Variants in ITSN1 observed in about 807,000 individuals in gnomAD.
The protein encoded by ITSN1 is intersectin-1.
In ITSN1, 58 loss-of-function variants were observed where a neutral mutation model predicts 239.8. The ratio of observed to expected loss-of-function variants is 0.24; its 90% confidence interval spans 0.20 to 0.30. The LOEUF is 0.30. ITSN1 is among the 10% of genes least tolerant of loss of function. ITSN1 has a pLI of 1.00. For missense variants in ITSN1, 1,558 were observed against 2,103.3 expected (o/e 0.74, Z 5.07); for synonymous variants, 780 against 770.8 (o/e 1.01, Z -0.20).
chr21:33,681,091 G>C (rs1278281409), intron 1 of ITSN1, among the ~76,000 whole-genome samples: 1 of 152,208 alleles, frequency 6.6e-6, no homozygotes, highest in Admixed American at 6.5e-5. Context: ...AAGTCACGTG[G>C]TCATGCAGGG....
chr21:33,722,669 A>T lies in ITSN1; in HGVS notation c.185+18A>T. 1 of 1,552,862 alleles carries T rather than the reference A, an allele frequency of 6.4e-7. No individual in the cohort carries two copies. The highest frequency in any genetic ancestry group is 8.6e-7 in the Non-Finnish European group (1 of 1,158,762). On this transcript the variant is annotated intron_variant, in intron 4 of 39. Coordinates refer to ENST00000381318, the MANE Select transcript of ITSN1 (RefSeq NM_003024.3). Reference sequence around the variant, plus strand: ...CAGATATGGTAAGTTGGAATTTTACATGAAATTTTACATAAGCATAAGGCA... The same window carrying T: ...CAGATATGGTAAGTTGGAATTTTACTTGAAATTTTACATAAGCATAAGGCA...
chr21:33,810,008 G>T (rs1368405046), intron 20 of ITSN1, among the ~76,000 whole-genome samples: 2 of 152,062 alleles, frequency 1.3e-5, no homozygotes, highest in Non-Finnish European at 2.9e-5. Flanking sequence ...GGTCAGGCTG[G>T]TCTCAAACTT....
At chr21:33,696,142 G>A (rs970524626) in intron 1 of ITSN1, among the ~76,000 whole-genome samples, 6 of 152,108 alleles carry the variant, frequency 3.9e-5, no homozygotes. Flanking sequence ...GCTCTCATTC[G>A]TGATACCCAG....
chr21:33,670,151 C>A (rs372438085), intron 1 of ITSN1, among the ~76,000 whole-genome samples: 1 of 152,126 alleles, frequency 6.6e-6, no homozygotes, highest in African/African-American at 2.4e-5. Flanking sequence ...CACTTGAGCC[C>A]AGGACCAGCT....
At chr21:33,678,788 A>G (rs2090753517) in intron 1 of ITSN1, among the ~76,000 whole-genome samples, 1 of 152,164 alleles carries the variant, frequency 6.6e-6, no homozygotes, top group East Asian at 1.9e-4. Flanking sequence ...ATCATGGCTC[A>G]CTGCAACCTC....
chr21:33,734,349 A>T lies in ITSN1; in HGVS notation c.186-695A>T, dbSNP rs368044465. ...TACATTAAAGCTCATTACAGTTTGC[A>T]CTTGGACCGTGTATATTTGAGTACC... On this transcript the variant is annotated intron_variant, in intron 4 of 39. Coordinates refer to ENST00000381318, the MANE Select transcript of ITSN1 (RefSeq NM_003024.3). Among the ~76,000 whole-genome samples, 4 of 152,290 alleles carry T rather than the reference A, an allele frequency of 2.6e-5. No homozygotes were observed. In the East Asian group the frequency reaches 5.8e-4, roughly 22 times the overall value.
intron 1 of ITSN1, among the ~76,000 whole-genome samples, chr21:33,662,440 C>G (rs543258328): frequency 1.6e-4 from 25 of 152,284 alleles, no homozygotes; most frequent in Non-Finnish European, 3.1e-4. Flanking sequence ...TTTGAACCTT[C>G]TTATACCTAA....
intron 33 of ITSN1, among the ~76,000 whole-genome samples, chr21:33,870,253 CTCTTT>C (rs1411548258): frequency 1.3e-5 from 2 of 152,198 alleles, no homozygotes; most frequent in African/African-American, 4.8e-5. Flanking sequence ...CTCAGTACTT[CTCTTT>C]TTTCTCCCAA....
intron 1 of ITSN1, among the ~76,000 whole-genome samples, chr21:33,717,944 C>G (rs1297596011): frequency 6.6e-6 from 1 of 151,962 alleles, no homozygotes; most frequent in Non-Finnish European, 1.5e-5. Flanking sequence ...ATAAATAATG[C>G]CTGATGGAGA....
chr21:33,844,132 C>T (rs1046123669), intron 29 of ITSN1, among the ~76,000 whole-genome samples: 63 of 152,326 alleles, frequency 4.1e-4, no homozygotes, highest in African/African-American at 1.3e-3. Context: ...AATCCGTGCA[C>T]GAACCCTGGC....
chr21:33,669,151 C>G (rs1422088781), intron 1 of ITSN1, among the ~76,000 whole-genome samples: 1 of 152,240 alleles, frequency 6.6e-6, no homozygotes, highest in African/African-American at 2.4e-5. Context: ...GGTGCGATCT[C>G]TGCTCACTGC....
intron 1 of ITSN1, among the ~76,000 whole-genome samples, chr21:33,670,857 T>C (rs1460282513): frequency 6.6e-6 from 1 of 152,218 alleles, no homozygotes; most frequent in African/African-American, 2.4e-5. Context: ...CATTACTTGG[T>C]GATTCAAATA....
At chr21:33,679,691 C>T (rs1298436271) in intron 1 of ITSN1, among the ~76,000 whole-genome samples, 2 of 141,538 alleles carry the variant, frequency 1.4e-5, no homozygotes, top group African/African-American at 2.6e-5. Context: ...GTTTTTTGAT[C>T]CTTATCCTTT....
chr21:33,832,287 C>G (rs1456655029), intron 27 of ITSN1, among the ~76,000 whole-genome samples: 4 of 152,218 alleles, frequency 2.6e-5, no homozygotes, highest in Admixed American at 2.6e-4. Context: ...ACCAGAAGCA[C>G]CGTGTCCCTC....
intron 29 of ITSN1, among the ~76,000 whole-genome samples, chr21:33,839,412 A>G (rs866448100): frequency 1.3e-5 from 2 of 151,790 alleles, no homozygotes; most frequent in South Asian, 2.1e-4. Flanking sequence ...CTGAGACCTG[A>G]AGAGTAAGGA....
chr21:33,887,086 G>A (rs1312328171), intron 39 of ITSN1, among the ~76,000 whole-genome samples: 3 of 152,136 alleles, frequency 2.0e-5, no homozygotes, highest in African/African-American at 7.2e-5. Flanking sequence ...GGGAGGCTGA[G>A]GCAGGAGGAT....
chr21:33,795,804 A>G (rs1050826733), intron 17 of ITSN1, among the ~76,000 whole-genome samples: 5 of 152,150 alleles, frequency 3.3e-5, no homozygotes, highest in Non-Finnish European at 7.3e-5. Context: ...AAATACATAA[A>G]ATAGCATAAT....
chr21:33,763,524 A>G (rs2068514901), intron 9 of ITSN1, among the ~76,000 whole-genome samples: 1 of 152,178 alleles, frequency 6.6e-6, no homozygotes, highest in South Asian at 2.1e-4. Flanking sequence ...CATGAGCTCC[A>G]CACCCAGCAT....
intron 29 of ITSN1, among the ~76,000 whole-genome samples, chr21:33,847,825 C>A (rs976320270): frequency 6.6e-6 from 1 of 152,172 alleles, no homozygotes; most frequent in Non-Finnish European, 1.5e-5. Flanking sequence ...CCGCTTTTCG[C>A]GCCAGGTGTC....
Sources: allele counts gnomAD v4.1 joint callset (sites outside exome capture counted in the v4.1 genomes callset), GRCh38; gene constraint gnomAD v4.1.1; transcripts MANE v1.5; gene names NCBI Gene and HGNC (gene_info 2026-07-23, HGNC 2026-07-21).